Variants in ESR1 observed in about 807,000 individuals in gnomAD.
ESR1 encodes the protein estrogen receptor 1.
In ESR1, 12 loss-of-function variants were observed where a neutral mutation model predicts 52.7. The observed-to-expected ratio is 0.23, with a 90% CI of 0.15 to 0.37. The LOEUF is 0.37. ESR1 is among the 10% of genes least tolerant of loss of function. The pLI is 1.00. For missense variants in ESR1, 584 were observed against 779.7 expected, an observed-to-expected ratio of 0.75 and a Z score of 2.99; for synonymous variants, 305 against 316.8, an observed-to-expected ratio of 0.96 and a Z score of 0.39.
chr6:152,027,351 T>G (rs2128846756), intron 5 of ESR1, among the ~76,000 whole-genome samples: 1 of 152,270 alleles, frequency 6.6e-6, no homozygotes, highest in South Asian at 2.1e-4. Context: ...CCAACCCCAT[T>G]TTTTGATATT....
chr6:151,702,363 C>T (rs1057417897), intron 2 of ESR1, among the ~76,000 whole-genome samples: 1 of 152,130 alleles, frequency 6.6e-6, no homozygotes, highest in African/African-American at 2.4e-5. Context: ...TAAGAAAGAG[C>T]TTTTCATTCT....
chr6:151,953,046 G>A (rs1319823213), intron 4 of ESR1, among the ~76,000 whole-genome samples: 1 of 152,152 alleles, frequency 6.6e-6, no homozygotes, highest in Non-Finnish European at 1.5e-5. Flanking sequence ...ATTCCTTAAT[G>A]TGATGACCGC....
chr6:151,985,890 A>G (rs925715912), intron 4 of ESR1, among the ~76,000 whole-genome samples: 1 of 152,162 alleles, frequency 6.6e-6, no homozygotes, highest in African/African-American at 2.4e-5. Flanking sequence ...GCTGGTCTCG[A>G]ACTCCTGACC....
intron 2 of ESR1, among the ~76,000 whole-genome samples, chr6:151,880,179 C>CTTTTT (rs1441144058): frequency 1.3e-5 from 1 of 77,962 alleles, no homozygotes; most frequent in African/African-American, 4.3e-5. Context: ...GTTTTTTGTT[C>CTTTTT]TGTTTTTTTT....
chr6:151,772,550 T>C (rs1241611158), intron 2 of ESR1, among the ~76,000 whole-genome samples: 2 of 152,148 alleles, frequency 1.3e-5, no homozygotes, highest in African/African-American at 4.8e-5. Context: ...AGACAGACAT[T>C]GTCTACTTTT....
intron 2 of ESR1, among the ~76,000 whole-genome samples, chr6:151,768,192 A>G (rs1785219984): frequency 6.6e-6 from 1 of 152,236 alleles, no homozygotes; most frequent in Non-Finnish European, 1.5e-5. Context: ...GAAATCTGGC[A>G]GACACTACCA....
chr6:151,945,235 C>A (rs188050986), intron 4 of ESR1, among the ~76,000 whole-genome samples: 2 of 151,906 alleles, frequency 1.3e-5, no homozygotes, highest in Middle Eastern at 3.2e-3. Context: ...AAAAAATAAA[C>A]CACACAAAAA....
At chr6:151,831,646 A>G (rs1410238007) in intron 1 of ESR1, among the ~76,000 whole-genome samples, 1 of 152,112 alleles carries the variant, frequency 6.6e-6, no homozygotes, top group African/African-American at 2.4e-5. Context: ...TGATTGTACA[A>G]CTTTGGTGAG....
chr6:152,025,384 A>G (rs1030708377), intron 5 of ESR1, among the ~76,000 whole-genome samples: 2 of 151,822 alleles, frequency 1.3e-5, no homozygotes, highest in Non-Finnish European at 2.9e-5. Flanking sequence ...TGACTTCTTA[A>G]TAGGTGAGCT....
intron 6 of ESR1, among the ~76,000 whole-genome samples, chr6:152,074,135 G>A (rs2048550765): frequency 6.6e-6 from 1 of 152,052 alleles, no homozygotes; most frequent in African/African-American, 2.4e-5. Flanking sequence ...CACCCAAAGT[G>A]CATAGTTTGC....
intron 5 of ESR1, among the ~76,000 whole-genome samples, chr6:152,037,467 C>T (rs1248951404): frequency 2.0e-5 from 3 of 152,164 alleles, no homozygotes; most frequent in Non-Finnish European, 2.9e-5. Context: ...AATGATGTTG[C>T]GCTTTGCTGT....
chr6:151,726,036 G>C (rs1193358528), intron 2 of ESR1, among the ~76,000 whole-genome samples: 3 of 152,166 alleles, frequency 2.0e-5, no homozygotes, highest in African/African-American at 7.2e-5. Flanking sequence ...AAAACCACAG[G>C]GGTGTTTGAT....
intron 1 of ESR1, among the ~76,000 whole-genome samples, chr6:151,826,031 C>T (rs1204351292): frequency 6.6e-6 from 1 of 151,718 alleles, no homozygotes; most frequent in Non-Finnish European, 1.5e-5. Flanking sequence ...GATTTTGCCC[C>T]AGTTGGACAT....
At chr6:151,880,590 C>G in intron 2 of ESR1, 65 bp from the exon 3 acceptor site, 2 of 972,392 alleles carry the variant, frequency 2.1e-6, no homozygotes, top group South Asian at 2.6e-5. Flanking sequence ...AAAAGGTTTC[C>G]CTGTAGATTC....
chr6:151,677,825 G>C (rs1441859031), intron 1 of ESR1, among the ~76,000 whole-genome samples: 1 of 152,140 alleles, frequency 6.6e-6, no homozygotes, highest in Non-Finnish European at 1.5e-5. Context: ...GGAGGGTTTG[G>C]TATAAATTTG....
chr6:151,979,070 C>T (rs1343504210), intron 4 of ESR1, among the ~76,000 whole-genome samples: 1 of 152,170 alleles, frequency 6.6e-6, no homozygotes, highest in Non-Finnish European at 1.5e-5. Flanking sequence ...CTCTATGCAT[C>T]TTGCATCTCT....
chr6:152,060,100 T>C (rs185912670), intron 5 of ESR1, among the ~76,000 whole-genome samples: 1 of 152,354 alleles, frequency 6.6e-6, no homozygotes, highest in Admixed American at 6.5e-5. Flanking sequence ...TCCTTTCGTG[T>C]GTAGTATCTC....
chr6:151,960,697 T>C (rs2037553351), intron 4 of ESR1, among the ~76,000 whole-genome samples: 1 of 152,202 alleles, frequency 6.6e-6, no homozygotes, highest in African/African-American at 2.4e-5. Context: ...GAGAGCATGA[T>C]CTGACTTGTC....
intron 4 of ESR1, among the ~76,000 whole-genome samples, chr6:151,959,759 G>A (rs1260710307): frequency 6.6e-6 from 1 of 152,094 alleles, no homozygotes; most frequent in Non-Finnish European, 1.5e-5. Context: ...AACTGAAGTT[G>A]GTTGAGCTTT....
Sources: gnomAD v4.1 joint callset for allele counts (sites outside exome capture counted in the v4.1 genomes callset) on GRCh38, gnomAD v4.1.1 for gene constraint, MANE v1.5 for transcripts, NCBI Gene and HGNC (gene_info 2026-07-23, HGNC 2026-07-21) for gene names.